Variants in SLC2A3 observed in about 807,000 individuals in gnomAD.
The protein encoded by SLC2A3 is solute carrier family 2 member 3.
Under a neutral mutation model 46.4 loss-of-function variants are expected in SLC2A3, and 21 were observed. That is an observed-to-expected ratio of 0.45 (90% confidence interval 0.32 to 0.65). The LOEUF (loss-of-function observed/expected upper bound fraction) is 0.65. Ranked by LOEUF, SLC2A3 falls within the 30% of genes least tolerant of loss-of-function variation. The probability of loss-of-function intolerance (pLI) is 0.04; values close to 1 mark genes in which losing one functional copy is unlikely to be tolerated. For synonymous variants in SLC2A3, 213 were observed against 239.4 expected, an observed-to-expected ratio of 0.89 and a Z score of 1.02; for missense variants, 499 against 623.3, an observed-to-expected ratio of 0.80 and a Z score of 2.12.
At chr12:7,933,637 C>T (rs984005909) in intron 2 of SLC2A3, 173 bp downstream of exon 2, 2 of 647,586 alleles carry the variant, frequency 3.1e-6, no homozygotes, top group Non-Finnish European at 2.6e-6. Flanking sequence ...CTGTGTTGCT[C>T]AGGATGGTGT....
intron 1 of SLC2A3, among the ~76,000 whole-genome samples, chr12:7,935,775 A>G (rs746258269): frequency 6.6e-6 from 1 of 152,124 alleles, no homozygotes; most frequent in Non-Finnish European, 1.5e-5. Context: ...ATGGTTACCT[A>G]AAATAAACCT....
chr12:7,930,313 C>T (rs116890776), intron 5 of SLC2A3, 167 bp downstream of exon 5: 8,124 of 709,104 alleles, frequency 0.011, 353 homozygotes, highest in East Asian at 0.11. Context: ...CGCCTTTTCA[C>T]CTCATTCTTT....
At chr12:7,928,377 G>T (rs1201955494) in intron 6 of SLC2A3, among the ~76,000 whole-genome samples, 1 of 151,636 alleles carries the variant, frequency 6.6e-6, no homozygotes, top group Non-Finnish European at 1.5e-5. Flanking sequence ...CAGCCTGGGC[G>T]ATCGAGTGAG....
intron 9 of SLC2A3, 48 bp from the exon 10 acceptor site, chr12:7,921,679 T>C: frequency 1.3e-6 from 2 of 1,567,448 alleles, no homozygotes; most frequent in South Asian, 1.2e-5. Context: ...AATCTGGTCA[T>C]TGACAAAGTC....
At chr12:7,926,688 T>A (rs758927197) in intron 6 of SLC2A3, among the ~76,000 whole-genome samples, 2 of 152,110 alleles carry the variant, frequency 1.3e-5, no homozygotes, top group Non-Finnish European at 1.5e-5. Context: ...AATTGGCTCT[T>A]CCCCAAACTC....
At chr12:7,923,132 A>G (rs1946056431) in intron 8 of SLC2A3, 108 bp from the exon 9 acceptor site, 5 of 1,040,696 alleles carry the variant, frequency 4.8e-6, no homozygotes, top group East Asian at 5.2e-5. Context: ...GACGTACAAT[A>G]CAAAGAGTGG....
chr12:7,930,173 C>G (rs1287494904), intron 5 of SLC2A3: 2 of 544,290 alleles, frequency 3.7e-6, no homozygotes, highest in Non-Finnish European at 6.1e-6. Context: ...TTAGTAGAGA[C>G]AGGGTTTCTC....
chr12:7,930,686 A>G, intron 4 of SLC2A3, 44 bp from the exon 5 acceptor site: 1 of 1,554,790 alleles, frequency 6.4e-7, no homozygotes. Flanking sequence ...CATACTTCAC[A>G]GGCCACAAGT....
intron 8 of SLC2A3, chr12:7,923,303 G>A: frequency 3.1e-6 from 1 of 327,810 alleles, no homozygotes; most frequent in South Asian, 6.2e-5. Flanking sequence ...CAAATCGCTT[G>A]GACTTGAAGC....
chr12:7,931,591 T>G, intron 3 of SLC2A3, 106 bp from the exon 4 acceptor site: 1 of 1,482,628 alleles, frequency 6.7e-7, no homozygotes, highest in Non-Finnish European at 9.1e-7. Context: ...TCATCCCTTT[T>G]TTTTTTAATC....
Position 7,921,385 on chromosome 12 carries a change from C to A in SLC2A3, c.*28G>T, listed in dbSNP as rs1364418930. 1.2e-6 allele frequency: 2 copies of A among 1,613,776 alleles called. No individual in the cohort carries two copies. The highest frequency in any genetic ancestry group is 3.3e-5 in the Admixed American group (2 of 60,008). On this transcript the variant is annotated 3_prime_UTR_variant, in exon 10 of 10. Transcript: ENST00000075120. ...TTGAGGGAGAGGTGGCTTTCCCATGCCGGGAGGGAGGTGGAAGGAGGCACG... is the reference window on the plus strand; with the variant it reads ...TTGAGGGAGAGGTGGCTTTCCCATGACGGGAGGGAGGTGGAAGGAGGCACG...
At chr12:7,922,076 CAGA>C (rs1946042662) in intron 9 of SLC2A3, among the ~76,000 whole-genome samples, 1 of 151,822 alleles carries the variant, frequency 6.6e-6, no homozygotes, top group African/African-American at 2.4e-5. Context: ...GGCTGGAGAG[CAGA>C]AGGTTGATCA....
At position 7,931,613 on chromosome 12, in the gene SLC2A3, T is replaced by G. The variant is rs955626907; in HGVS notation, c.270-128A>C. ...TTTTTTTTTTAATCTAACTTTTGTTTTTCACTTTCTATTATCAGAACATTT... is the reference window on the plus strand; with the variant it reads ...TTTTTTTTTTAATCTAACTTTTGTTGTTCACTTTCTATTATCAGAACATTT... On this transcript the variant is annotated intron_variant, in intron 3 of 9. Coordinates refer to ENST00000075120, the MANE Select transcript of SLC2A3 (RefSeq NM_006931.3). 32 of 1,375,370 alleles carry G rather than the reference T, an allele frequency of 2.3e-5. No homozygotes were observed. The South Asian group carries it at 4.7e-4, about 20-fold the overall frequency. The allele number at this position is 1,375,370 out of a possible 1,614,324, so 85.2% of individuals were successfully genotyped here.
At chr12:7,935,940 C>A in intron 1 of SLC2A3, 80 bp downstream of exon 1, 1 of 1,193,374 alleles carries the variant, frequency 8.4e-7, no homozygotes, top group African/African-American at 1.5e-5. Context: ...GAAAATAGAA[C>A]AAGGAGATTA....
At chr12:7,929,163 C>G (rs1483666164) in intron 6 of SLC2A3, among the ~76,000 whole-genome samples, 1 of 152,038 alleles carries the variant, frequency 6.6e-6, no homozygotes, top group Non-Finnish European at 1.5e-5. Flanking sequence ...TATCTGAAAA[C>G]CCTTAGGGGA....
At chr12:7,933,678 C>G (rs1946182608) in intron 2 of SLC2A3, 132 bp downstream of exon 2, 1 of 914,518 alleles carries the variant, frequency 1.1e-6, no homozygotes, top group East Asian at 2.5e-5. Flanking sequence ...ATCTTTAAGC[C>G]TCAGCCTCAG....
At chr12:7,933,779 T>C (rs962658581) in intron 2 of SLC2A3, 31 bp downstream of exon 2, 32 of 1,601,426 alleles carry the variant, frequency 2.0e-5, no homozygotes, top group Middle Eastern at 1.7e-4. Flanking sequence ...TTCCCTATTC[T>C]AAATTCTAAT....
Position 7,933,015 on chromosome 12 carries a change from C to A in SLC2A3, c.241G>T (p.Val81Phe). ...SVGGMIGSFS[V>F]GLFVNRFGRR... Reference sequence around the variant, plus strand: ...CCAAAGCGGTTGACGAAGAGTCCGACGGAAAAGGAGCCGATCATACCCCCG... The same window carrying A: ...CCAAAGCGGTTGACGAAGAGTCCGAAGGAAAAGGAGCCGATCATACCCCCG... The change falls in exon 3 of 10, where the codon GTC becomes TTC. Residue 81 changes from valine (V) to phenylalanine (F), a missense_variant. Val to Phe is a conservative substitution (Grantham distance 50). Transcript: ENST00000075120. The A allele has an allele frequency of 1.2e-6, 2 of 1,614,036 alleles. No homozygotes were observed. Among genetic ancestry groups the A allele is most frequent in the Non-Finnish European group, 1.7e-6 (2 of 1,180,002 alleles).
rs774831967 is a variant in SLC2A3, at chr12:7,933,013, G to A, written c.243C>T (p.Val81=). The change falls in exon 3 of 10, where the codon GTC becomes GTT. Residue 81 remains valine (V), a synonymous_variant. Transcript: ENST00000075120. ...SVGGMIGSFS[V]GLFVNRFGRR... is the part of the protein sequence containing the mutation. The stretch of plus-strand genomic sequence containing the variant: ...TGCCAAAGCGGTTGACGAAGAGTCC[G>A]ACGGAAAAGGAGCCGATCATACCCC... 37 of 1,613,946 alleles carry A rather than the reference G, an allele frequency of 2.3e-5. No individual in the cohort carries two copies. Among genetic ancestry groups the A allele is most frequent in the South Asian group, 9.9e-5 (9 of 91,084 alleles).
Sources: gnomAD v4.1 joint callset for allele counts (sites outside exome capture counted in the v4.1 genomes callset) on GRCh38, gnomAD v4.1.1 for gene constraint, MANE v1.5 for transcripts, NCBI Gene and HGNC (gene_info 2026-07-23, HGNC 2026-07-21) for gene names.